Variants in SLC17A1 observed in about 807,000 individuals in gnomAD.
SLC17A1 encodes the protein solute carrier family 17 member 1.
In SLC17A1, 51 loss-of-function variants were observed where a neutral mutation model predicts 53.5. The observed-to-expected ratio is 0.95, with a 90% CI of 0.76 to 1.20. The LOEUF is 1.20. Ranked by LOEUF, SLC17A1 falls within the 50% of genes most tolerant of loss-of-function variation. The pLI is 0.00. For synonymous variants in SLC17A1, 179 were observed against 198.8 expected, an observed-to-expected ratio of 0.90 and a Z score of 0.84; for missense variants, 538 against 568.2, an observed-to-expected ratio of 0.95 and a Z score of 0.54.
the SLC17A1 span, among the ~76,000 whole-genome samples, chr6:25,775,235 G>A: frequency 2.0e-4 from 30 of 151,890 alleles, no homozygotes; most frequent in Admixed American, 7.9e-4. Context: ...AGGAGGCTGA[G>A]GCATGAGAAT....
the SLC17A1 span, among the ~76,000 whole-genome samples, chr6:25,724,760 G>C: frequency 1.1e-4 from 17 of 152,102 alleles, no homozygotes; most frequent in Admixed American, 1.1e-3. Context: ...CTGATTTTAA[G>C]TTTTACATTT....
At chr6:25,778,717 A>G (rs1763142877), downstream of SLC17A1, among the ~76,000 whole-genome samples, 2 of 152,238 alleles carry the variant, frequency 1.3e-5, no homozygotes, top group African/African-American at 4.8e-5. Context: ...TGCTAAGAGG[A>G]GAATAAAGCA....
At chr6:25,787,460 T>C (rs1581445976) in intron 12 of SLC17A1, among the ~76,000 whole-genome samples, 1 of 152,302 alleles carries the variant, frequency 6.6e-6, no homozygotes, top group South Asian at 2.1e-4. Context: ...ACCATCCCTA[T>C]AAACTTTACA....
At chr6:25,788,871 G>A (rs1466587780) in intron 12 of SLC17A1, among the ~76,000 whole-genome samples, 2 of 152,160 alleles carry the variant, frequency 1.3e-5, no homozygotes, top group Non-Finnish European at 2.9e-5. Flanking sequence ...TGCTGGAAAA[G>A]AAAGTTAAAA....
At chr6:25,810,794 T>C (rs749154898) in intron 10 of SLC17A1, among the ~76,000 whole-genome samples, 6 of 152,146 alleles carry the variant, frequency 3.9e-5, no homozygotes, top group Non-Finnish European at 8.8e-5. Context: ...AAAAGAGATA[T>C]CTGCACTACC....
intron 12 of SLC17A1, among the ~76,000 whole-genome samples, chr6:25,795,136 C>T (rs1332762585): frequency 1.3e-5 from 2 of 152,116 alleles, no homozygotes; most frequent in Non-Finnish European, 2.9e-5. Context: ...TCCCAGAGCC[C>T]CTCTGCCACT....
At chr6:25,738,179 CTTA>C in the SLC17A1 span, among the ~76,000 whole-genome samples, 1 of 152,054 alleles carries the variant, frequency 6.6e-6, no homozygotes, top group South Asian at 2.1e-4. Flanking sequence ...AAATTCAGGA[CTTA>C]TTATATAATA....
the SLC17A1 span, among the ~76,000 whole-genome samples, chr6:25,757,886 T>C: frequency 6.6e-6 from 1 of 152,196 alleles, no homozygotes; most frequent in Non-Finnish European, 1.5e-5. Flanking sequence ...TTCTCAGGTG[T>C]TGGGCATCAG....
the SLC17A1 span, chr6:25,732,828 C>A: frequency 4.4e-6 from 2 of 450,280 alleles, no homozygotes; most frequent in Non-Finnish European, 3.9e-6. Flanking sequence ...TATGAATAAC[C>A]ACCCAAGTTG....
At chr6:25,752,229 G>A in the SLC17A1 span, among the ~76,000 whole-genome samples, 8 of 152,196 alleles carry the variant, frequency 5.3e-5, no homozygotes, top group Admixed American at 1.3e-4. Flanking sequence ...ATACACCTAG[G>A]TTATGTGGTC....
At chr6:25,809,920 A>G (rs1480401513) in intron 10 of SLC17A1, among the ~76,000 whole-genome samples, 1 of 152,158 alleles carries the variant, frequency 6.6e-6, no homozygotes, top group African/African-American at 2.4e-5. Context: ...AAATAGATAC[A>G]TAGACCAATG....
intron 2 of SLC17A1, among the ~76,000 whole-genome samples, chr6:25,826,848 T>C (rs946641673): frequency 2.0e-5 from 3 of 152,128 alleles, no homozygotes; most frequent in African/African-American, 7.2e-5. Flanking sequence ...AGCTAGAAGT[T>C]CCAAGAAAAT....
Position 25,822,704 on chromosome 6 carries a change from C to T in SLC17A1, c.208-2789G>A, listed in dbSNP as rs1371957905. On this transcript the variant is annotated intron_variant, in intron 3 of 12. Coordinates refer to ENST00000244527, the MANE Select transcript of SLC17A1 (RefSeq NM_005074.5). ...ATACAACTCCCGTGAGTAGCCATTT[C>T]TCTAGAATATGAGGTTCTCAGTATT... Among the ~76,000 whole-genome samples, 4 of 152,032 alleles carry T rather than the reference C, an allele frequency of 2.6e-5. No homozygotes were observed. In the East Asian group the frequency reaches 7.7e-4, roughly 29 times the overall value.
chr6:25,781,371 A>C (rs1398900242), downstream of SLC17A1, among the ~76,000 whole-genome samples: 1 of 152,176 alleles, frequency 6.6e-6, no homozygotes. Flanking sequence ...TTTCCAAAAA[A>C]AGTGAGTAGT....
intron 2 of SLC17A1, among the ~76,000 whole-genome samples, chr6:25,828,521 G>A (rs1274342397): frequency 6.6e-6 from 1 of 151,728 alleles, no homozygotes; most frequent in Non-Finnish European, 1.5e-5. Context: ...CTAACATTAA[G>A]TTACTCTTTT....
chr6:25,731,782 T>G, the SLC17A1 span: 1 of 1,580,442 alleles, frequency 6.3e-7, no homozygotes, highest in Non-Finnish European at 8.6e-7. Flanking sequence ...CCTATCATGT[T>G]TTACTTGGAG....
intron 12 of SLC17A1, among the ~76,000 whole-genome samples, chr6:25,791,566 T>C (rs1284241167): frequency 6.6e-6 from 1 of 152,144 alleles, no homozygotes; most frequent in Non-Finnish European, 1.5e-5. Flanking sequence ...ACTAGGAAAA[T>C]GAACCCAAAT....
chr6:25,732,728 CGA>C, the SLC17A1 span: 6 of 1,254,296 alleles, frequency 4.8e-6, no homozygotes, highest in African/African-American at 1.5e-5. Context: ...GCTGCTGGCC[CGA>C]GTGACAATGG....
the SLC17A1 span, chr6:25,726,335 C>A: frequency 6.2e-7 from 1 of 1,614,114 alleles, no homozygotes; most frequent in East Asian, 2.2e-5. Flanking sequence ...CCTGCCAGCT[C>A]AAGGATTTCT....
Sources: allele counts gnomAD v4.1 joint callset (sites outside exome capture counted in the v4.1 genomes callset), GRCh38; gene constraint gnomAD v4.1.1; transcripts MANE v1.5; gene names NCBI Gene and HGNC (gene_info 2026-07-23, HGNC 2026-07-21).